Variants in PDE1A observed in about 807,000 individuals in gnomAD.
The protein encoded by PDE1A is dual specificity calcium/calmodulin-dependent 3',5'-cyclic nucleotide phosphodiesterase 1A.
Under a neutral mutation model 61.7 loss-of-function variants are expected in PDE1A, and 35 were observed. That is an observed-to-expected ratio of 0.57 (90% confidence interval 0.43 to 0.75). The LOEUF is 0.75. PDE1A is among the 30% of genes least tolerant of loss of function. The pLI is 0.00. For missense variants in PDE1A, 597 were observed against 630.6 expected, an observed-to-expected ratio of 0.95 and a Z score of 0.57; for synonymous variants, 232 against 213.2, an observed-to-expected ratio of 1.09 and a Z score of -0.77.
At chr2:182,617,943 C>T in the PDE1A span, among the ~76,000 whole-genome samples, 3 of 152,188 alleles carry the variant, frequency 2.0e-5, no homozygotes, top group African/African-American at 7.2e-5. Flanking sequence ...ATACCTAAAG[C>T]TTGCTATTTT....
chr2:182,323,038 A>G (rs1243321867), intron 1 of PDE1A, among the ~76,000 whole-genome samples: 1 of 152,168 alleles, frequency 6.6e-6, no homozygotes, highest in East Asian at 1.9e-4. Flanking sequence ...ACTATTCTAC[A>G]TCTTGTAAGA....
intron 1 of PDE1A, among the ~76,000 whole-genome samples, chr2:182,346,213 A>G (rs998347725): frequency 6.6e-6 from 1 of 152,166 alleles, no homozygotes; most frequent in Non-Finnish European, 1.5e-5. Flanking sequence ...CACCAACAAG[A>G]GGCAAAATAA....
chr2:182,607,649 T>C, the PDE1A span, among the ~76,000 whole-genome samples: 2 of 152,206 alleles, frequency 1.3e-5, no homozygotes, highest in African/African-American at 4.8e-5. Context: ...TTCAAACCCA[T>C]GTTGTTCAGG....
intron 2 of PDE1A, among the ~76,000 whole-genome samples, chr2:182,493,326 A>G (rs1004492387): frequency 2.1e-4 from 31 of 151,052 alleles, no homozygotes; most frequent in African/African-American, 7.1e-4. Flanking sequence ...GTACATGTGC[A>G]CAACGTGCAG....
chr2:182,162,034 C>G (rs1352224448), intron 13 of PDE1A, among the ~76,000 whole-genome samples: 1 of 152,110 alleles, frequency 6.6e-6, no homozygotes, highest in East Asian at 1.9e-4. Flanking sequence ...ATACAGTGGA[C>G]TTGTCACATA....
chr2:182,143,935 A>G (rs1009501332), downstream of PDE1A, among the ~76,000 whole-genome samples: 1 of 152,064 alleles, frequency 6.6e-6, no homozygotes, highest in Non-Finnish European at 1.5e-5. Context: ...ATTCCAGTAA[A>G]AACTCTGGTT....
At chr2:182,419,222 T>C (rs534880962) in intron 1 of PDE1A, among the ~76,000 whole-genome samples, 245 of 152,326 alleles carry the variant, frequency 1.6e-3, no homozygotes, top group Non-Finnish European at 3.3e-3. Context: ...ATGCATTTTA[T>C]TCATTCAAGG....
At chr2:182,530,304 G>A in the PDE1A span, among the ~76,000 whole-genome samples, 1 of 150,062 alleles carries the variant, frequency 6.7e-6, no homozygotes, top group Non-Finnish European at 1.5e-5. Flanking sequence ...AAACCACAGT[G>A]AAGGTAATGG....
the PDE1A span, among the ~76,000 whole-genome samples, chr2:182,552,387 T>C: frequency 6.6e-6 from 1 of 152,112 alleles, no homozygotes; most frequent in Non-Finnish European, 1.5e-5. Context: ...TGAGCAGCTA[T>C]TGTACTGGGA....
chr2:182,488,202 G>T (rs1288895833), intron 2 of PDE1A, among the ~76,000 whole-genome samples: 3 of 152,060 alleles, frequency 2.0e-5, no homozygotes, highest in Admixed American at 6.6e-5. Flanking sequence ...TATAACTAGG[G>T]TACAATTCAC....
intron 2 of PDE1A, among the ~76,000 whole-genome samples, chr2:182,511,606 G>A (rs1486077671): frequency 6.6e-6 from 1 of 152,122 alleles, no homozygotes; most frequent in East Asian, 1.9e-4. Flanking sequence ...GCACAGCCAG[G>A]GATGCCCATC....
the PDE1A span, among the ~76,000 whole-genome samples, chr2:182,593,760 C>T: frequency 1.3e-5 from 2 of 152,196 alleles, no homozygotes; most frequent in Non-Finnish European, 2.9e-5. Flanking sequence ...GGGACTGTGT[C>T]ATCTGCATTC....
At chr2:182,692,953 A>G in the PDE1A span, among the ~76,000 whole-genome samples, 3 of 152,032 alleles carry the variant, frequency 2.0e-5, no homozygotes, top group Non-Finnish European at 2.9e-5. Flanking sequence ...TATTGTCCCA[A>G]TTATTTGGCA....
intron 1 of PDE1A, among the ~76,000 whole-genome samples, chr2:182,380,455 G>A (rs544300060): frequency 4.6e-5 from 7 of 152,120 alleles, no homozygotes; most frequent in Admixed American, 6.5e-5. Flanking sequence ...TCTCCTGCCC[G>A]GGTAAAATAG....
the PDE1A span, among the ~76,000 whole-genome samples, chr2:182,616,236 G>T: frequency 6.6e-6 from 1 of 152,034 alleles, no homozygotes; most frequent in African/African-American, 2.4e-5. Flanking sequence ...TGGAGCCTAT[G>T]GCAAAAGTTC....
At chr2:182,685,757 C>G in the PDE1A span, among the ~76,000 whole-genome samples, 1 of 152,182 alleles carries the variant, frequency 6.6e-6, no homozygotes, top group Non-Finnish European at 1.5e-5. Flanking sequence ...GTTACATCAG[C>G]AAAACTGATC....
chr2:182,166,982 C>A (rs560913408), downstream of PDE1A, among the ~76,000 whole-genome samples: 2 of 152,108 alleles, frequency 1.3e-5, no homozygotes. Context: ...ACTTAGCTAA[C>A]CTTAAACTGA....
chr2:182,262,284 T>C (rs953339442), intron 2 of PDE1A, among the ~76,000 whole-genome samples: 17 of 151,924 alleles, frequency 1.1e-4, no homozygotes, highest in South Asian at 8.3e-4. Context: ...CATTTATCTA[T>C]TGACATGATC....
chr2:182,161,691 G>A (rs1483062219), intron 13 of PDE1A, among the ~76,000 whole-genome samples: 3 of 152,130 alleles, frequency 2.0e-5, no homozygotes, highest in Non-Finnish European at 4.4e-5. Context: ...GACCCACAAG[G>A]AGGTGCGCTA....
Sources: allele counts gnomAD v4.1 joint callset (sites outside exome capture counted in the v4.1 genomes callset), GRCh38; gene constraint gnomAD v4.1.1; transcripts MANE v1.5; gene names NCBI Gene and HGNC (gene_info 2026-07-23, HGNC 2026-07-21).